Variants in PCDHA5 observed in about 807,000 individuals in gnomAD.
PCDHA5 encodes protocadherin alpha 5, also known as protocadherin alpha-5.
Under a neutral mutation model 61.6 loss-of-function variants are expected in PCDHA5, and 43 were observed. That is an observed-to-expected ratio of 0.70 (90% CI 0.55 to 0.90). The LOEUF is 0.90. PCDHA5 is among the 40% of genes least tolerant of loss of function. PCDHA5 has a pLI of 0.00. For missense variants in PCDHA5, 1,298 were observed against 1,222.7 expected, an observed-to-expected ratio of 1.06 and a Z score of -0.92; for synonymous variants, 627 against 543.9, an observed-to-expected ratio of 1.15 and a Z score of -2.13.
chr5:140,828,462 G>T, intron 1 of PCDHA5: 1 of 1,614,208 alleles, frequency 6.2e-7, no homozygotes, highest in Non-Finnish European at 8.5e-7. Context: ...GTGGAGGTGA[G>T]GGACATTAAC....
intron 1 of PCDHA5, among the ~76,000 whole-genome samples, chr5:140,922,066 C>A (rs1438475640): frequency 2.0e-5 from 3 of 151,528 alleles, no homozygotes; most frequent in Non-Finnish European, 4.4e-5. Context: ...TGTAGCAATC[C>A]CACTAAGCAA....
At chr5:140,965,039 C>G (rs1237802301) in intron 1 of PCDHA5, among the ~76,000 whole-genome samples, 6 of 152,236 alleles carry the variant, frequency 3.9e-5, no homozygotes, top group African/African-American at 1.2e-4. Context: ...ACTGTCCGCT[C>G]TAGGAGGGAA....
At chr5:140,901,909 C>T (rs2068974930) in intron 1 of PCDHA5, among the ~76,000 whole-genome samples, 1 of 151,454 alleles carries the variant, frequency 6.6e-6, no homozygotes, top group African/African-American at 2.4e-5. Context: ...TTGTGGAGAT[C>T]TTTCACTTCT....
chr5:140,833,342 T>C (rs183757705), intron 1 of PCDHA5, among the ~76,000 whole-genome samples: 3 of 152,278 alleles, frequency 2.0e-5, no homozygotes, highest in Admixed American at 2.0e-4. Flanking sequence ...GAGTGAAACA[T>C]TCCAGAAAAC....
intron 3 of PCDHA5, among the ~76,000 whole-genome samples, chr5:141,006,406 G>T (rs553100919): frequency 6.6e-6 from 1 of 151,932 alleles, no homozygotes; most frequent in African/African-American, 2.4e-5. Flanking sequence ...GTAGAGACGC[G>T]GTTTCACTGT....
In PCDHA5 at chr5:140,821,624, A is replaced by T; in HGVS notation, c.-152A>T. The T allele has an allele frequency of 3.4e-6, 3 of 893,544 alleles. No individual in the cohort carries two copies. The highest frequency in any genetic ancestry group is 5.0e-6 in the Non-Finnish European group (3 of 605,310). The allele number at this position is 893,544 out of a possible 1,614,324, so 55.4% of individuals were successfully genotyped here. A position where few individuals can be genotyped will look rare whatever the true frequency, so the allele number is the denominator to read the frequency against. The stretch of plus-strand genomic sequence containing the variant: ...GGAATACAGTGAGTAGATTTTCCTT[A>T]GACAGAAAGGAAAAGAACCTTCCAT... On this transcript the variant is annotated 5_prime_UTR_variant, in exon 1 of 4. Coordinates refer to ENST00000529859, the MANE Select transcript of PCDHA5 (RefSeq NM_018908.3).
At chr5:140,921,965 A>T (rs1459699467) in intron 1 of PCDHA5, among the ~76,000 whole-genome samples, 1 of 152,112 alleles carries the variant, frequency 6.6e-6, no homozygotes. Flanking sequence ...AGAAAACCAA[A>T]GGAAAAAATA....
chr5:140,906,877 A>G (rs1361751716), intron 1 of PCDHA5, among the ~76,000 whole-genome samples: 1 of 152,122 alleles, frequency 6.6e-6, no homozygotes, highest in Non-Finnish European at 1.5e-5. Context: ...CAACACTGTA[A>G]CTTCCTTCTT....
At chr5:140,882,646 T>C (rs1554175002) in intron 1 of PCDHA5, 1 of 1,614,112 alleles carries the variant, frequency 6.2e-7, no homozygotes, top group South Asian at 1.1e-5. Flanking sequence ...TGAGGGACAT[T>C]AACGACAACC....
chr5:141,000,413 A>T (rs1563651324), intron 3 of PCDHA5, among the ~76,000 whole-genome samples: 4 of 93,212 alleles, frequency 4.3e-5, no homozygotes, highest in African/African-American at 1.8e-4. Flanking sequence ...ATATATATAT[A>T]TATATATATT....
chr5:140,845,146 T>C (rs1001510444), intron 1 of PCDHA5, among the ~76,000 whole-genome samples: 2 of 149,652 alleles, frequency 1.3e-5, no homozygotes, highest in African/African-American at 4.9e-5. Context: ...TTTGAACACA[T>C]TGTGTAAAAG....
chr5:140,888,324 T>C (rs1191192546), intron 1 of PCDHA5, among the ~76,000 whole-genome samples: 1 of 152,152 alleles, frequency 6.6e-6, no homozygotes, highest in East Asian at 1.9e-4. Flanking sequence ...CCTGGATACA[T>C]TTTTGGTTAT....
At chr5:140,915,446 GT>G (rs2077122918) in intron 1 of PCDHA5, among the ~76,000 whole-genome samples, 1 of 152,184 alleles carries the variant, frequency 6.6e-6, no homozygotes, top group African/African-American at 2.4e-5. Flanking sequence ...TCTTGAGAAG[GT>G]TTTCCAGAAG....
intron 3 of PCDHA5, among the ~76,000 whole-genome samples, chr5:140,984,330 A>C (rs2097097334): frequency 6.6e-6 from 1 of 152,204 alleles, no homozygotes; most frequent in Admixed American, 6.5e-5. Context: ...CAAATGTGGA[A>C]TAGGAACCAT....
At chr5:140,984,307 G>T (rs2153833813) in intron 3 of PCDHA5, among the ~76,000 whole-genome samples, 1 of 152,288 alleles carries the variant, frequency 6.6e-6, no homozygotes, top group Non-Finnish European at 1.5e-5. Context: ...GCTGGTTGGT[G>T]TGTATTCCTA....
chr5:140,831,150 G>C (rs2150192087), intron 1 of PCDHA5: 1 of 152,114 alleles, frequency 6.6e-6, no homozygotes, highest in African/African-American at 2.4e-5. Context: ...ATTTACTACC[G>C]ATCTAAATAA....
intron 1 of PCDHA5, chr5:140,835,703 C>T (rs2150242433): frequency 2.5e-6 from 4 of 1,613,784 alleles, no homozygotes; most frequent in African/African-American, 2.7e-5. Flanking sequence ...CCACTGCTAG[C>T]GTGTCCGTGG....
In PCDHA5 at chr5:140,850,319, A is replaced by T. The variant is rs1407979146; in HGVS notation, c.2352+26192A>T. On this transcript the variant is annotated intron_variant, in intron 1 of 3. Transcript: ENST00000529859. ...ACTCGGGCTACAACGCGTGGCTTTC[A>T]TACGAGCTGCAGCCAGAAACGGCCA... 3.1e-6 allele frequency: 5 copies of T among 1,597,446 alleles called. No individual in the cohort carries two copies. In the African/African-American group the frequency reaches 6.7e-5, roughly 21 times the overall value.
chr5:140,841,798 T>C (rs1554138538), intron 1 of PCDHA5: 2 of 1,613,930 alleles, frequency 1.2e-6, no homozygotes, highest in East Asian at 2.2e-5. Flanking sequence ...GCGCGTCCGA[T>C]GCAGATGTTG....
Sources: allele counts gnomAD v4.1 joint callset (sites outside exome capture counted in the v4.1 genomes callset), GRCh38; gene constraint gnomAD v4.1.1; transcripts MANE v1.5; gene names NCBI Gene and HGNC (gene_info 2026-07-23, HGNC 2026-07-21).